The following LDAH variants were observed in gnomAD, a reference collection of about 807,000 sequenced individuals.
LDAH encodes the protein lipid droplet-associated hydrolase.
Under a neutral mutation model 29.6 loss-of-function variants are expected in LDAH, and 26 were observed. The ratio of observed to expected loss-of-function variants is 0.88; its 90% CI spans 0.64 to 1.22. The LOEUF (loss-of-function observed/expected upper bound fraction) is 1.22, where lower values mean the gene tolerates loss of function less well. Among genes scored for constraint, LDAH ranks in the 50% most tolerant of loss-of-function variants. The pLI is 0.00. For synonymous variants in LDAH, 117 were observed against 133.0 expected, an observed-to-expected ratio of 0.88 and a Z score of 0.83; for missense variants, 344 against 387.3, an observed-to-expected ratio of 0.89 and a Z score of 0.94.
At chr2:20,760,472 T>G (rs1668608313) in intron 4 of LDAH, among the ~76,000 whole-genome samples, 1 of 152,266 alleles carries the variant, frequency 6.6e-6, no homozygotes, top group African/African-American at 2.4e-5. Flanking sequence ...CTGGGTTCTC[T>G]GCTTAGCATC....
chr2:20,760,111 G>T (rs1382857130), intron 4 of LDAH, among the ~76,000 whole-genome samples: 1 of 151,938 alleles, frequency 6.6e-6, no homozygotes, highest in African/African-American at 2.4e-5. Flanking sequence ...TCTTTTTTTT[G>T]AGGTGGGGAG....
intron 5 of LDAH, among the ~76,000 whole-genome samples, chr2:20,718,558 A>G (rs774688837): frequency 6.6e-6 from 1 of 152,224 alleles, no homozygotes; most frequent in Non-Finnish European, 1.5e-5. Flanking sequence ...ACTGCAATAC[A>G]GTAATAGTAA....
intron 5 of LDAH, among the ~76,000 whole-genome samples, chr2:20,727,096 G>C (rs1046976825): frequency 6.6e-6 from 1 of 152,118 alleles, no homozygotes; most frequent in African/African-American, 2.4e-5. Context: ...CTGCAGCTGG[G>C]GCCGGGCATG....
At chr2:20,766,328 T>C (rs1669035546) in intron 4 of LDAH, among the ~76,000 whole-genome samples, 1 of 152,230 alleles carries the variant, frequency 6.6e-6, no homozygotes, top group Admixed American at 6.5e-5. Context: ...GACTTGGTCA[T>C]ATGATTTGCT....
At chr2:20,778,584 T>C (rs188924948) in intron 3 of LDAH, among the ~76,000 whole-genome samples, 5 of 152,292 alleles carry the variant, frequency 3.3e-5, no homozygotes, top group East Asian at 3.9e-4. Flanking sequence ...CTTGGTATTA[T>C]TGAAAGTACA....
chr2:20,743,437 T>C (rs1408107912), intron 4 of LDAH, among the ~76,000 whole-genome samples: 1 of 152,174 alleles, frequency 6.6e-6, no homozygotes, highest in Non-Finnish European at 1.5e-5. Flanking sequence ...TAAATAACAC[T>C]ATACCACTTT....
chr2:20,686,785 A>G lies in LDAH; in HGVS notation c.*118T>C. ...GAGCGGAGAGTTGGTTTGTAAGACA[A>G]AGGTTCTCACTTTCTTCATTTCTAA... On this transcript the variant is annotated 3_prime_UTR_variant, in exon 7 of 7. Coordinates refer to ENST00000237822, the MANE Select transcript of LDAH (RefSeq NM_021925.4). 1 of 940,566 alleles carries G rather than the reference A, an allele frequency of 1.1e-6. No homozygotes were observed. Among genetic ancestry groups the G allele is most frequent in the Non-Finnish European group, 1.6e-6 (1 of 628,086 alleles). 58.3% of individuals were successfully genotyped at this position (940,566 alleles called of 1,614,324 possible).
At chr2:20,722,492 G>A (rs1665725508) in intron 5 of LDAH, among the ~76,000 whole-genome samples, 1 of 151,864 alleles carries the variant, frequency 6.6e-6, no homozygotes, top group Non-Finnish European at 1.5e-5. Flanking sequence ...TGGTTAAGGG[G>A]TACAAAAACA....
Position 20,778,084 on chromosome 2 carries a change from T to C in LDAH, c.299-3105A>G, listed in dbSNP as rs571709700. Among the ~76,000 whole-genome samples, 11 of 152,178 alleles carry C rather than the reference T, an allele frequency of 7.2e-5. No individual in the cohort carries two copies. The East Asian group carries it at 2.1e-3, about 29-fold the overall frequency. On this transcript the variant is annotated intron_variant, in intron 3 of 6. Transcript: ENST00000237822. ...CCACCATATTGTTACCAATAAATTG[T>C]GGGGGAAAGAAAGAGAGATCAGACT...
chr2:20,719,125 C>T (rs896919963), intron 5 of LDAH, among the ~76,000 whole-genome samples: 19 of 149,726 alleles, frequency 1.3e-4, no homozygotes, highest in Non-Finnish European at 3.0e-5. Flanking sequence ...AAGAACAAAT[C>T]AAACCTAAAA....
At chr2:20,740,636 A>T (rs1028391404) in intron 4 of LDAH, among the ~76,000 whole-genome samples, 9 of 152,154 alleles carry the variant, frequency 5.9e-5, no homozygotes, top group Middle Eastern at 3.2e-3. Flanking sequence ...ATGCTAAAAA[A>T]TATCCTATCA....
chr2:20,788,219 G>C (rs1447408914), intron 3 of LDAH, among the ~76,000 whole-genome samples: 1 of 152,122 alleles, frequency 6.6e-6, no homozygotes, highest in Non-Finnish European at 1.5e-5. Context: ...TAAAGGGTCA[G>C]TTGCAAAATA....
At chr2:20,700,469 T>C (rs898014968) in intron 6 of LDAH, among the ~76,000 whole-genome samples, 4 of 152,146 alleles carry the variant, frequency 2.6e-5, no homozygotes, top group African/African-American at 7.2e-5. Context: ...GAATTAACAA[T>C]GTAGAAAAGT....
intron 2 of LDAH, among the ~76,000 whole-genome samples, chr2:20,794,008 C>T (rs1671139994): frequency 6.6e-6 from 1 of 152,010 alleles, no homozygotes; most frequent in Non-Finnish European, 1.5e-5. Flanking sequence ...TGTTTTCATG[C>T]TGCTGATAAA....
intron 5 of LDAH, among the ~76,000 whole-genome samples, chr2:20,737,568 T>C (rs532329002): frequency 1.3e-5 from 2 of 152,318 alleles, no homozygotes; most frequent in Non-Finnish European, 2.9e-5. Flanking sequence ...AAAGGTAGAC[T>C]GGCCCTAACT....
intron 4 of LDAH, among the ~76,000 whole-genome samples, chr2:20,768,660 A>G (rs1253247349): frequency 1.3e-5 from 2 of 152,204 alleles, no homozygotes; most frequent in African/African-American, 4.8e-5. Context: ...AACTCAGGCA[A>G]AGATTCCGCC....
At chr2:20,737,348 A>C (rs1666861421) in intron 5 of LDAH, among the ~76,000 whole-genome samples, 1 of 152,236 alleles carries the variant, frequency 6.6e-6, no homozygotes, top group Non-Finnish European at 1.5e-5. Flanking sequence ...CAGAAGTCCC[A>C]GGAGGAAAAT....
chr2:20,693,032 T>C (rs532512107), intron 6 of LDAH, among the ~76,000 whole-genome samples: 2 of 152,250 alleles, frequency 1.3e-5, no homozygotes, highest in Admixed American at 6.5e-5. Flanking sequence ...CATATCCACC[T>C]GGACTGGAAT....
intron 6 of LDAH, among the ~76,000 whole-genome samples, chr2:20,692,938 T>C (rs541226701): frequency 1.3e-5 from 2 of 152,276 alleles, no homozygotes; most frequent in South Asian, 4.1e-4. Flanking sequence ...CTAAAGTAAT[T>C]TGTGAAACTA....
Sources: allele counts gnomAD v4.1 joint callset (sites outside exome capture counted in the v4.1 genomes callset), GRCh38; gene constraint gnomAD v4.1.1; transcripts MANE v1.5; gene names NCBI Gene and HGNC (gene_info 2026-07-23, HGNC 2026-07-21).